The following ZPBP variants were observed in gnomAD, a reference collection of about 807,000 sequenced individuals.
ZPBP encodes the protein zona pellucida-binding protein 1.
In ZPBP, 26 loss-of-function variants were observed where a neutral mutation model predicts 44.8. The ratio of observed to expected loss-of-function variants is 0.58; its 90% CI spans 0.43 to 0.81. The LOEUF is 0.81. Among genes scored for constraint, ZPBP ranks in the 30% least tolerant of loss-of-function variants. The probability of loss-of-function intolerance (pLI) is 0.00; values close to 1 mark genes in which losing one functional copy is unlikely to be tolerated. For synonymous variants in ZPBP, 174 were observed against 153.2 expected (o/e 1.14, Z -1.00); for missense variants, 409 against 434.0 (o/e 0.94, Z 0.51).
chr7:49,879,535 A>C (rs112897527), intron 2 of ZPBP, among the ~76,000 whole-genome samples: 2,747 of 152,224 alleles, frequency 0.018, 78 homozygotes, highest in African/African-American at 0.063. Context: ...GCGTTAGTCC[A>C]TGGTAGGGCC....
intron 4 of ZPBP, among the ~76,000 whole-genome samples, chr7:50,057,523 C>T (rs1056102892): frequency 6.6e-6 from 1 of 152,156 alleles, no homozygotes; most frequent in African/African-American, 2.4e-5. Flanking sequence ...TGTTTCTTTC[C>T]TCTTTCTGTA....
intron 1 of ZPBP, among the ~76,000 whole-genome samples, chr7:49,902,692 A>T (rs538590197): frequency 6.6e-6 from 1 of 152,180 alleles, no homozygotes; most frequent in South Asian, 2.1e-4. Flanking sequence ...TTTAGGACGT[A>T]GGGCTTCTTG....
rs1398103905 is a variant in ZPBP, at chr7:49,859,788, GTGCACACACACACACA to G, written n.510-9290_510-9275del. Reference sequence around the variant, plus strand: ...TTGATGTGTCTTACAGTGCGCGTGCGTGCACACACACACACACACACACACACACACACACACTCAC... The same window carrying G: ...TTGATGTGTCTTACAGTGCGCGTGCGCACACACACACACACACACACTCAC... On this transcript the variant is annotated intron_variant and non_coding_transcript_variant, in intron 2 of 2. Transcript: ENST00000465922. 4.8e-3 allele frequency among the ~76,000 whole-genome samples: 707 copies of G among 148,516 alleles called. 4 individuals carry two copies. Among genetic ancestry groups the G allele is most frequent in the African/African-American group, 0.017 (667 of 40,134 alleles).
intron 4 of ZPBP, among the ~76,000 whole-genome samples, chr7:50,054,859 CAT>C (rs2128828107): frequency 6.6e-6 from 1 of 152,174 alleles, no homozygotes; most frequent in African/African-American, 2.4e-5. Flanking sequence ...GACACACAAA[CAT>C]ACACACACAC....
intron 2 of ZPBP, among the ~76,000 whole-genome samples, chr7:49,876,294 A>G (rs1440808953): frequency 6.6e-6 from 1 of 152,302 alleles, no homozygotes; most frequent in East Asian, 1.9e-4. Flanking sequence ...AGTTGTAGTT[A>G]GTTTGGTGAA....
chr7:49,999,473 T>C (rs182462148), intron 6 of ZPBP, among the ~76,000 whole-genome samples: 8 of 148,718 alleles, frequency 5.4e-5, no homozygotes, highest in Non-Finnish European at 1.2e-4. Flanking sequence ...AGATTTACTA[T>C]GGGAATTTGT....
chr7:49,871,644 G>A (rs1386792716), intron 2 of ZPBP, among the ~76,000 whole-genome samples: 1 of 151,904 alleles, frequency 6.6e-6, no homozygotes, highest in East Asian at 1.9e-4. Flanking sequence ...ATATGAGAAT[G>A]GAATGTCATG....
chr7:50,030,501 T>TA (rs11368628), intron 5 of ZPBP, among the ~76,000 whole-genome samples: 40,186 of 149,710 alleles, frequency 0.27, 7,436 homozygotes, highest in African/African-American at 0.53. Context: ...AATAATAATT[T>TA]AAAAAAAAAC....
intron 7 of ZPBP, among the ~76,000 whole-genome samples, chr7:49,950,327 A>C (rs1399056708): frequency 6.6e-6 from 1 of 151,920 alleles, no homozygotes; most frequent in Non-Finnish European, 1.5e-5. Context: ...ATATTTAAAA[A>C]TCCAGCTGTA....
intron 4 of ZPBP, among the ~76,000 whole-genome samples, chr7:50,057,631 G>A (rs997806846): frequency 6.6e-6 from 1 of 152,140 alleles, no homozygotes; most frequent in Non-Finnish European, 1.5e-5. Flanking sequence ...CTCCTGTTTT[G>A]GGGGATGGCA....
rs760902673 is a variant in ZPBP at position 50,093,157 on chromosome 7, C to A, written c.38G>T (p.Arg13Met). The A allele has an allele frequency of 4.2e-5, 65 of 1,538,578 alleles. 2 individuals carry two copies. In the South Asian group the frequency reaches 7.8e-4, roughly 19 times the overall value. The change falls in exon 1 of 8, where the codon AGG becomes ATG. Residue 13 changes from arginine to methionine, a missense_variant. Coordinates refer to ENST00000046087, the MANE Select transcript of ZPBP (RefSeq NM_007009.3). ...GGAGCCGGCGGCCCGGGTCCGCCGC[C>A]TGCCCCGCCGCGCTGGGCCAAGGGC... ...AFALGPARRG[R>M]RRTRAAGSLL... is the part of the protein sequence containing the mutation.
At chr7:49,845,891 G>A (rs927419194), downstream of ZPBP, among the ~76,000 whole-genome samples, 3 of 152,118 alleles carry the variant, frequency 2.0e-5, no homozygotes, top group South Asian at 4.2e-4. Flanking sequence ...ACACCCACAC[G>A]TTTCTCATCT....
intron 3 of ZPBP, among the ~76,000 whole-genome samples, chr7:50,078,712 T>C (rs565545713): frequency 4.4e-4 from 66 of 151,440 alleles, no homozygotes; most frequent in African/African-American, 1.4e-3. Flanking sequence ...AACAGACAAG[T>C]GGAAACTAAT....
At chr7:50,059,785 G>C (rs1342400260) in intron 3 of ZPBP, among the ~76,000 whole-genome samples, 2 of 152,070 alleles carry the variant, frequency 1.3e-5, no homozygotes, top group African/African-American at 4.8e-5. Flanking sequence ...ATGACAGCCA[G>C]AAAATGTAGT....
At chr7:49,859,540 G>T (rs1181758615) in intron 2 of ZPBP, among the ~76,000 whole-genome samples, 4 of 152,152 alleles carry the variant, frequency 2.6e-5, no homozygotes, top group African/African-American at 9.7e-5. Context: ...CCAACAATGG[G>T]ACCCTCAGTA....
intron 4 of ZPBP, among the ~76,000 whole-genome samples, chr7:50,053,548 C>T (rs531809972): frequency 1.3e-5 from 2 of 152,176 alleles, no homozygotes; most frequent in Non-Finnish European, 2.9e-5. Flanking sequence ...TTGTTGGAGA[C>T]GAAGAAGGAA....
chr7:50,011,989 C>A (rs1192000848), intron 6 of ZPBP, among the ~76,000 whole-genome samples: 1 of 150,724 alleles, frequency 6.6e-6, no homozygotes, highest in Middle Eastern at 3.2e-3. Context: ...CAAGACTGCA[C>A]CACTGCACTC....
intron 1 of ZPBP, chr7:49,916,484 G>A (rs1284805538): frequency 6.6e-6 from 1 of 152,128 alleles, no homozygotes; most frequent in African/African-American, 2.4e-5. Context: ...GTCACTCTAT[G>A]TCCCAGTAAT....
intron 4 of ZPBP, among the ~76,000 whole-genome samples, chr7:50,054,638 C>T (rs1245108722): frequency 6.6e-6 from 1 of 151,902 alleles, no homozygotes; most frequent in Non-Finnish European, 1.5e-5. Context: ...TTACTTCTTA[C>T]AATCCAGGTA....
Sources: gnomAD v4.1 joint callset for allele counts (sites outside exome capture counted in the v4.1 genomes callset) on GRCh38, gnomAD v4.1.1 for gene constraint, MANE v1.5 for transcripts, NCBI Gene and HGNC (gene_info 2026-07-23, HGNC 2026-07-21) for gene names.